GLIS3: variants seen among roughly 807,000 people sequenced by gnomAD.
The protein encoded by GLIS3 is GLIS family zinc finger 3.
Under a neutral mutation model 78.6 loss-of-function variants are expected in GLIS3, and 53 were observed. The observed-to-expected ratio is 0.67, with a 90% CI of 0.54 to 0.85. GLIS3 has a LOEUF of 0.85. Ranked by LOEUF, GLIS3 falls within the 40% of genes least tolerant of loss-of-function variation. The pLI is 0.00. For synonymous variants in GLIS3, 684 were observed against 509.9 expected (o/e 1.34, Z -4.60); for missense variants, 1,703 against 1,231.1 (o/e 1.38, Z -5.74).
At chr9:4,487,906 G>C in the GLIS3 span, among the ~76,000 whole-genome samples, 19 of 151,818 alleles carry the variant, frequency 1.3e-4, no homozygotes, top group African/African-American at 4.4e-4. Flanking sequence ...TGCCCAGGTT[G>C]GTCTCAAACT....
Position 4,117,964 on chromosome 9 carries a change from A to G in GLIS3, c.1514T>C (p.Ile505Thr). Residue 505 changes from isoleucine to threonine, a missense_variant, in exon 4 of 11, where the codon ATC (isoleucine) becomes ACC (threonine). Ile to Thr is a moderately conservative substitution (Grantham distance 89). Coordinates refer to ENST00000381971, the MANE Select transcript of GLIS3 (RefSeq NM_001042413.2). ...CTGGTCGTACAGGGCGCTGCAGTCG[A>G]TCCAGCGGCAGCAATGCTTGCCCCC... Reference protein sequence around the residue: ...GIGGKHCCRWIDCSALYDQQE... With the variant: ...GIGGKHCCRWTDCSALYDQQE... The G allele has an allele frequency of 6.2e-7, 1 of 1,613,770 alleles. No individual in the cohort carries two copies. Among genetic ancestry groups the G allele is most frequent in the Non-Finnish European group, 8.5e-7 (1 of 1,179,972 alleles).
chr9:4,432,826 A>G, the GLIS3 span, among the ~76,000 whole-genome samples: 1 of 151,688 alleles, frequency 6.6e-6, no homozygotes, highest in Non-Finnish European at 1.5e-5. Flanking sequence ...TTTTTAGTAG[A>G]GATGCAGTTT....
chr9:3,943,629 T>C (rs1816092968), intron 4 of GLIS3, among the ~76,000 whole-genome samples: 1 of 152,258 alleles, frequency 6.6e-6, no homozygotes, highest in African/African-American at 2.4e-5. Context: ...CAAACTGAGT[T>C]TCCAAAGGTT....
intron 2 of GLIS3, among the ~76,000 whole-genome samples, chr9:4,311,063 G>A (rs1817344244): frequency 6.6e-6 from 1 of 152,204 alleles, no homozygotes; most frequent in South Asian, 2.1e-4. Flanking sequence ...TAATCCGAAA[G>A]CCAGAGTGTC....
At chr9:3,894,331 C>G (rs1284944014) in intron 7 of GLIS3, among the ~76,000 whole-genome samples, 1 of 152,068 alleles carries the variant, frequency 6.6e-6, no homozygotes, top group African/African-American at 2.4e-5. Flanking sequence ...AGTTTAGAAC[C>G]CTCTAATAAA....
intron 4 of GLIS3, among the ~76,000 whole-genome samples, chr9:4,019,797 A>G (rs1345857003): frequency 6.6e-6 from 1 of 152,132 alleles, no homozygotes; most frequent in Non-Finnish European, 1.5e-5. Flanking sequence ...CAGTGGGGCA[A>G]TCACAGCTCA....
the GLIS3 span, among the ~76,000 whole-genome samples, chr9:4,371,760 T>G: frequency 6.6e-6 from 1 of 152,226 alleles, no homozygotes; most frequent in Non-Finnish European, 1.5e-5. Context: ...GGCTTTAAAG[T>G]GGGTCCCCAT....
At chr9:4,380,833 T>C in the GLIS3 span, among the ~76,000 whole-genome samples, 2 of 152,166 alleles carry the variant, frequency 1.3e-5, no homozygotes, top group Admixed American at 6.5e-5. Context: ...CTCCCAAGAA[T>C]AGAACGAGAA....
At chr9:4,195,484 G>T (rs539143524) in intron 2 of GLIS3, among the ~76,000 whole-genome samples, 1 of 152,206 alleles carries the variant, frequency 6.6e-6, no homozygotes. Flanking sequence ...CAGCACTGCC[G>T]GCCCGCCAGC....
At chr9:4,177,254 ACT>A (rs752258073) in intron 2 of GLIS3, among the ~76,000 whole-genome samples, 20 of 152,042 alleles carry the variant, frequency 1.3e-4, no homozygotes, top group Non-Finnish European at 2.6e-4. Context: ...TCTCTTCATG[ACT>A]CTGCCCATTT....
At chr9:4,397,680 G>A in the GLIS3 span, among the ~76,000 whole-genome samples, 720 of 3,572 alleles carry the variant, frequency 0.2, 6 homozygotes, top group African/African-American at 0.26. Flanking sequence ...GAGGGAGGAA[G>A]GGAGGGAGGG....
rs1484165032 is a variant in GLIS3, at chr9:3,951,879, C to CAT, written c.1711-14691_1711-14690insAT. Among the ~76,000 whole-genome samples the CAT allele has an allele frequency of 9.3e-5, 14 of 150,600 alleles. No homozygotes were observed. The South Asian group carries it at 2.9e-3, about 32-fold the overall frequency. On this transcript the variant is annotated intron_variant, in intron 4 of 10. Coordinates refer to ENST00000381971, the MANE Select transcript of GLIS3 (RefSeq NM_001042413.2). ...ACACACACACACACACACACACACA[C>CAT]ACACACGCACGCACACACCCACTGG... is the stretch of plus-strand genomic sequence containing the variant.
chr9:4,151,269 C>T (rs1181549188), intron 2 of GLIS3, among the ~76,000 whole-genome samples: 2 of 152,128 alleles, frequency 1.3e-5, no homozygotes, highest in Non-Finnish European at 2.9e-5. Context: ...ATGTATGACT[C>T]TTCAGGAGAA....
At chr9:4,070,140 A>G (rs1383599567) in intron 4 of GLIS3, among the ~76,000 whole-genome samples, 1 of 152,098 alleles carries the variant, frequency 6.6e-6, no homozygotes, top group Non-Finnish European at 1.5e-5. Flanking sequence ...AATTCTCACT[A>G]CCTCTGCTTA....
the GLIS3 span, among the ~76,000 whole-genome samples, chr9:4,480,200 C>CTTT: frequency 1.5e-3 from 140 of 93,862 alleles, no homozygotes; most frequent in Middle Eastern, 7.7e-3. Flanking sequence ...GCTGGGCTTT[C>CTTT]TTTTTTTTTT....
the GLIS3 span, among the ~76,000 whole-genome samples, chr9:4,426,649 T>G: frequency 2.0e-5 from 3 of 152,270 alleles, no homozygotes; most frequent in Non-Finnish European, 4.4e-5. Context: ...ATGGATTATT[T>G]GGGCAACCAT....
the GLIS3 span, among the ~76,000 whole-genome samples, chr9:4,485,875 C>T: frequency 6.6e-6 from 1 of 152,090 alleles, no homozygotes; most frequent in African/African-American, 2.4e-5. Flanking sequence ...GTTCCTGCCA[C>T]CATGCCCAGC....
At chr9:4,431,703 G>A in the GLIS3 span, among the ~76,000 whole-genome samples, 6 of 152,122 alleles carry the variant, frequency 3.9e-5, no homozygotes, top group Admixed American at 3.9e-4. Flanking sequence ...AATTAGCCAG[G>A]TGTGGTGGCA....
chr9:3,885,484 G>A (rs191885920), intron 7 of GLIS3, among the ~76,000 whole-genome samples: 81 of 152,292 alleles, frequency 5.3e-4, no homozygotes, highest in Non-Finnish European at 8.8e-4. Flanking sequence ...GTGAATTCAC[G>A]TATAAGTAGT....
Sources: gnomAD v4.1 joint callset for allele counts (sites outside exome capture counted in the v4.1 genomes callset) on GRCh38, gnomAD v4.1.1 for gene constraint, MANE v1.5 for transcripts, NCBI Gene and HGNC (gene_info 2026-07-23, HGNC 2026-07-21) for gene names.